The following ITGA2 variants were observed in gnomAD, a reference collection of about 807,000 sequenced individuals.
The protein encoded by ITGA2 is integrin alpha-2.
In ITGA2, 101 loss-of-function variants were observed where a neutral mutation model predicts 146.3. The observed-to-expected ratio is 0.69, with a 90% CI of 0.59 to 0.81. ITGA2 has a LOEUF of 0.81. Ranked by LOEUF, ITGA2 falls within the 40% of genes least tolerant of loss-of-function variation. The pLI is 0.00. For missense variants in ITGA2, 1,281 were observed against 1,402.7 expected (o/e 0.91, Z 1.39); for synonymous variants, 477 against 487.1 (o/e 0.98, Z 0.27).
chr5:53,056,590 CTG>C (rs533907283), intron 9 of ITGA2, among the ~76,000 whole-genome samples: 1 of 151,930 alleles, frequency 6.6e-6, no homozygotes, highest in Admixed American at 6.6e-5. Flanking sequence ...CCTTTTTACA[CTG>C]TGTTATGTAA....
At chr5:53,074,740 A>G (rs545200355) in intron 21 of ITGA2, among the ~76,000 whole-genome samples, 1 of 152,178 alleles carries the variant, frequency 6.6e-6, no homozygotes, top group African/African-American at 2.4e-5. Context: ...TGGTCAAAGC[A>G]CTATACACAG....
intron 16 of ITGA2, among the ~76,000 whole-genome samples, chr5:53,068,864 G>A (rs1011219727): frequency 6.9e-6 from 1 of 145,758 alleles, no homozygotes; most frequent in Non-Finnish European, 1.5e-5. Flanking sequence ...TTTTTATAAA[G>A]CTGCTTGAAA....
At chr5:53,027,539 C>T (rs895907453) in intron 2 of ITGA2, among the ~76,000 whole-genome samples, 6 of 152,190 alleles carry the variant, frequency 3.9e-5, no homozygotes, top group Non-Finnish European at 8.8e-5. Flanking sequence ...TCCCATAATA[C>T]TAATGCAAGT....
At chr5:53,014,740 G>A (rs1742318077) in intron 1 of ITGA2, among the ~76,000 whole-genome samples, 1 of 151,892 alleles carries the variant, frequency 6.6e-6, no homozygotes, top group Non-Finnish European at 1.5e-5. Context: ...GGCTTTTTCT[G>A]GTTGGTAAGC....
chr5:53,024,891 C>G (rs1742865992), intron 1 of ITGA2, among the ~76,000 whole-genome samples: 1 of 152,162 alleles, frequency 6.6e-6, no homozygotes. Context: ...ATTCTCAGTT[C>G]AATGGCAAGA....
chr5:53,048,881 T>A, intron 6 of ITGA2, 111 bp downstream of exon 6: 1 of 1,170,804 alleles, frequency 8.5e-7, no homozygotes, highest in Non-Finnish European at 1.2e-6. Context: ...TTAAATGCAT[T>A]TGATGGTAGT....
Position 53,070,887 on chromosome 5 carries a change from T to A in ITGA2, c.2235+627T>A, listed in dbSNP as rs191976142. ...TTGAAAGGATAATTTACTCAGGAAA[T>A]CACTTTTTTAAAAGGATATTTAAGT... is the stretch of plus-strand genomic sequence containing the variant. On this transcript the variant is annotated intron_variant, in intron 17 of 29. Transcript: ENST00000296585. Among the ~76,000 whole-genome samples, 295 of 150,172 alleles carry A rather than the reference T, an allele frequency of 2.0e-3. 1 individual carries two copies. The highest frequency in any genetic ancestry group is 7.1e-3 in the African/African-American group (287 of 40,662).
chr5:52,998,751 C>T (rs1273873750), intron 1 of ITGA2, among the ~76,000 whole-genome samples: 1 of 152,062 alleles, frequency 6.6e-6, no homozygotes, highest in Admixed American at 6.5e-5. Flanking sequence ...GAAGACAGGC[C>T]CATATCATCT....
intron 27 of ITGA2, 63 bp from the exon 28 acceptor site, chr5:53,086,889 A>G: frequency 7.9e-7 from 1 of 1,265,866 alleles, no homozygotes; most frequent in Non-Finnish European, 1.2e-6. Context: ...AATCATAAGC[A>G]TGCCAGCTTC....
chr5:53,021,136 C>T (rs908999408), intron 1 of ITGA2, among the ~76,000 whole-genome samples: 2 of 151,836 alleles, frequency 1.3e-5, no homozygotes, highest in South Asian at 2.1e-4. Context: ...ATTTTATTTT[C>T]GTTAAGCACT....
At chr5:53,048,561 C>T in intron 5 of ITGA2, 82 bp from the exon 6 acceptor site, 3 of 1,610,800 alleles carry the variant, frequency 1.9e-6, no homozygotes, top group South Asian at 1.1e-5. Flanking sequence ...GGCACCCAAA[C>T]CCTCCTTAAG....
In ITGA2 at chr5:53,075,184, T is replaced by A. The variant is rs545225941; in HGVS notation, c.2742-37T>A. ...AATGGAATGATGGATAGCTTTGTAT[T>A]TCTCTTTAAGTAATTTCCTAATGTT... On this transcript the variant is annotated intron_variant, in intron 22 of 29. Transcript: ENST00000296585. The A allele has an allele frequency of 2.5e-6, 4 of 1,606,686 alleles. No individual in the cohort carries two copies. The South Asian group carries it at 4.4e-5, about 18-fold the overall frequency.
At position 53,004,370 on chromosome 5, in the gene ITGA2, GATT is replaced by G. The variant is rs759081258; in HGVS notation, c.64+14841_64+14843del. Among the ~76,000 whole-genome samples, 7 of 152,206 alleles carry G rather than the reference GATT, an allele frequency of 4.6e-5. No homozygotes were observed. In the South Asian group the frequency reaches 1.5e-3, roughly 32 times the overall value. ...TTGGGTCATTGGGAAGATCGAAGGG[GATT>G]ATAAGTGAAAAAGTATTTTTCATAT... On this transcript the variant is annotated intron_variant, in intron 1 of 29. Coordinates refer to ENST00000296585, the MANE Select transcript of ITGA2 (RefSeq NM_002203.4).
intron 24 of ITGA2, 149 bp from the exon 25 acceptor site, chr5:53,080,362 G>C: frequency 1.4e-6 from 1 of 718,018 alleles, no homozygotes. Flanking sequence ...ACAGAGACCT[G>C]AAGTGTGACT....
At chr5:53,067,048 T>C (rs1472271931) in intron 15 of ITGA2, 70 bp from the exon 16 acceptor site, 3 of 1,515,332 alleles carry the variant, frequency 2.0e-6, no homozygotes, top group African/African-American at 1.4e-5. Flanking sequence ...CTGGGTCCTC[T>C]ATGATAAAGG....
intron 19 of ITGA2, 106 bp from the exon 20 acceptor site, chr5:53,073,012 C>G: frequency 2.7e-6 from 3 of 1,131,098 alleles, no homozygotes; most frequent in Non-Finnish European, 3.9e-6. Flanking sequence ...TCTCAGTATT[C>G]TAAGTAAGTC....
intron 2 of ITGA2, among the ~76,000 whole-genome samples, chr5:53,034,814 T>G (rs992017283): frequency 5.9e-5 from 9 of 152,198 alleles, no homozygotes; most frequent in Non-Finnish European, 1.5e-5. Flanking sequence ...GTGGCAACTA[T>G]TTATTAACTT....
At chr5:53,030,523 A>C (rs1356222489) in intron 2 of ITGA2, among the ~76,000 whole-genome samples, 1 of 152,212 alleles carries the variant, frequency 6.6e-6, no homozygotes, top group Non-Finnish European at 1.5e-5. Context: ...TCTGACCTGA[A>C]GGGCTGAACC....
chr5:53,038,391 G>C lies in ITGA2; in HGVS notation c.186-3721G>C, dbSNP rs140557836. ...CCTACCTGTCATTGGGTTTGTATTT[G>C]GTGTTGTCTGAACATGCCTTGTTCC... On this transcript the variant is annotated intron_variant, in intron 2 of 29. Transcript: ENST00000296585. 1.1e-3 allele frequency among the ~76,000 whole-genome samples: 166 copies of C among 152,184 alleles called. 1 individual carries two copies. Among genetic ancestry groups the C allele is most frequent in the African/African-American group, 3.9e-3 (160 of 41,522 alleles).
Sources: allele counts gnomAD v4.1 joint callset (sites outside exome capture counted in the v4.1 genomes callset), GRCh38; gene constraint gnomAD v4.1.1; transcripts MANE v1.5; gene names NCBI Gene and HGNC (gene_info 2026-07-23, HGNC 2026-07-21).